Variants in PLA2R1 observed in about 807,000 individuals in gnomAD.
The protein encoded by PLA2R1 is secretory phospholipase A2 receptor.
Under a neutral mutation model 195.9 loss-of-function variants are expected in PLA2R1, and 158 were observed. The ratio of observed to expected loss-of-function variants is 0.81; its 90% confidence interval spans 0.71 to 0.92. PLA2R1 has a LOEUF of 0.92. Ranked by LOEUF, PLA2R1 falls within the 40% of genes least tolerant of loss-of-function variation. The pLI is 0.00. For synonymous variants in PLA2R1, 586 were observed against 598.2 expected, an observed-to-expected ratio of 0.98 and a Z score of 0.30; for missense variants, 1,626 against 1,764.6, an observed-to-expected ratio of 0.92 and a Z score of 1.41.
At chr2:160,016,875 G>T (rs904733044) in intron 8 of PLA2R1, among the ~76,000 whole-genome samples, 163 bp from the exon 9 acceptor site, 2 of 152,162 alleles carry the variant, frequency 1.3e-5, no homozygotes, top group African/African-American at 4.8e-5. Context: ...ACTTTGTCTA[G>T]GGAAAGGCCC....
At chr2:159,997,633 A>G (rs1691302202) in intron 11 of PLA2R1, among the ~76,000 whole-genome samples, 1 of 152,002 alleles carries the variant, frequency 6.6e-6, no homozygotes, top group South Asian at 2.1e-4. Flanking sequence ...TTTAACCCTT[A>G]GAGTTGTCTG....
Position 159,967,767 on chromosome 2 carries a change from T to C in PLA2R1, c.2765-89A>G, listed in dbSNP as rs547580561. 4.8e-6 allele frequency: 5 copies of C among 1,034,898 alleles called. No homozygotes were observed. In the Admixed American group the frequency reaches 1.4e-4, roughly 29 times the overall value. 64.1% of individuals were successfully genotyped at this position (1,034,898 alleles called of 1,614,324 possible). ...ATTGATCACTATTTTTATGAGGCTATGGTTTTTCATAATTTATTTTTTAAA... is the reference window on the plus strand; with the variant it reads ...ATTGATCACTATTTTTATGAGGCTACGGTTTTTCATAATTTATTTTTTAAA... On this transcript the variant is annotated intron_variant, in intron 19 of 29. Coordinates refer to ENST00000283243, the MANE Select transcript of PLA2R1 (RefSeq NM_007366.5).
chr2:160,043,314 G>T (rs575503636), intron 2 of PLA2R1, among the ~76,000 whole-genome samples: 44 of 152,244 alleles, frequency 2.9e-4, no homozygotes, highest in Non-Finnish European at 5.6e-4. Context: ...AGCTGGCTGG[G>T]TGGCTTCTCA....
chr2:160,029,114 C>T (rs1377792978), intron 4 of PLA2R1, 151 bp from the exon 5 acceptor site: 2 of 615,318 alleles, frequency 3.3e-6, no homozygotes, highest in Non-Finnish European at 5.9e-6. Flanking sequence ...AGTGATAAAG[C>T]AGGCTCCCAC....
downstream of PLA2R1, chr2:159,931,931 CCTTT>C (rs1686607268): frequency 6.6e-6 from 1 of 152,136 alleles, no homozygotes; most frequent in African/African-American, 2.4e-5. Context: ...ATGATTCCTT[CCTTT>C]AACTGACTTT....
intron 20 of PLA2R1, 78 bp from the exon 21 acceptor site, chr2:159,956,705 T>C: frequency 1.2e-6 from 1 of 840,826 alleles, no homozygotes; most frequent in Admixed American, 2.0e-5. Flanking sequence ...AGACACTGAA[T>C]ATCAGCTTTG....
At position 159,956,642 on chromosome 2, in the gene PLA2R1, C is replaced by T; in HGVS notation, c.2905-15G>A. On this transcript the variant is annotated splice_polypyrimidine_tract_variant and intron_variant, in intron 20 of 29. Transcript: ENST00000283243. ...AGCAGAAGGCACTATCAAAAAATGT[C>T]AAAACAAAACATTCATTTCTGTATC... 7.3e-7 allele frequency: 1 copy of T among 1,368,196 alleles called. No homozygotes were observed. The highest frequency in any genetic ancestry group is 1.0e-6 in the Non-Finnish European group (1 of 955,584). 84.8% of individuals were successfully genotyped at this position (1,368,196 alleles called of 1,614,324 possible).
intron 19 of PLA2R1, 65 bp downstream of exon 19, chr2:159,969,191 G>C: frequency 1.3e-6 from 1 of 765,060 alleles, no homozygotes; most frequent in Admixed American, 2.2e-5. Flanking sequence ...GCAAGGAAAA[G>C]ACTTTAAGCC....
At chr2:160,023,794 G>A (rs1424373920) in intron 6 of PLA2R1, among the ~76,000 whole-genome samples, 1 of 152,204 alleles carries the variant, frequency 6.6e-6, no homozygotes, top group African/African-American at 2.4e-5. Context: ...ATGAATAAAT[G>A]ACTACATTTT....
In PLA2R1 at chr2:159,976,728, G is replaced by C. The variant is rs768864742; in HGVS notation, c.2402-8C>G. ...GAATCTTGGGTTTCACATCTGCAAA[G>C]TGAAAGCAAATCACTTTGACTGATC... On this transcript the variant is annotated splice_polypyrimidine_tract_variant and splice_region_variant and intron_variant, in intron 15 of 29. Coordinates refer to ENST00000283243, the MANE Select transcript of PLA2R1 (RefSeq NM_007366.5). The C allele has an allele frequency of 3.7e-6, 6 of 1,608,126 alleles. No homozygotes were observed. The East Asian group carries it at 1.3e-4, about 36-fold the overall frequency.
At chr2:160,059,333 C>T (rs1321786315) in intron 1 of PLA2R1, among the ~76,000 whole-genome samples, 1 of 152,136 alleles carries the variant, frequency 6.6e-6, no homozygotes, top group Non-Finnish European at 1.5e-5. Context: ...TTCAGACCTG[C>T]CAAGTACAGT....
At position 160,022,800 on chromosome 2, in the gene PLA2R1, G is replaced by T. The variant is rs150221555; in HGVS notation, c.1159C>A (p.Arg387Ser). ...TCTTTCTGAAGTTTGTAGCAATTAC[G>T]ATTGTAGGGATTCCAGCCAGGCTCA... is the stretch of plus-strand genomic sequence containing the variant. ...HCEPGWNPYN[R>S]NCYKLQKEEK... Residue 387 changes from arginine to serine, a missense_variant, in exon 7 of 30, where the codon CGT becomes AGT. Arg to Ser is a moderately radical substitution (Grantham distance 110, BLOSUM62 -1). Coordinates refer to ENST00000283243, the MANE Select transcript of PLA2R1 (RefSeq NM_007366.5). The T allele has an allele frequency of 1.2e-6, 2 of 1,613,504 alleles. No homozygotes were observed. The highest frequency in any genetic ancestry group is 1.7e-6 in the Non-Finnish European group (2 of 1,179,514).
intron 13 of PLA2R1, among the ~76,000 whole-genome samples, chr2:159,983,000 A>G (rs1441968016): frequency 6.6e-6 from 1 of 152,336 alleles, no homozygotes; most frequent in East Asian, 1.9e-4. Flanking sequence ...ATACTCTCAC[A>G]ATGCAGGCTG....
chr2:160,027,241 TATAAC>T (rs747730178), intron 6 of PLA2R1, among the ~76,000 whole-genome samples: 16 of 151,030 alleles, frequency 1.1e-4, no homozygotes, highest in Non-Finnish European at 1.9e-4. Flanking sequence ...GAAGGATAAA[TATAAC>T]AGAAGGAAAG....
intron 28 of PLA2R1, among the ~76,000 whole-genome samples, chr2:159,943,110 C>T (rs536417718): frequency 5.6e-5 from 7 of 124,364 alleles, no homozygotes; most frequent in East Asian, 2.2e-4. Context: ...TCTGGGATTA[C>T]GGGTGTGTGC....
At chr2:160,016,034 G>T (rs1692720993) in intron 9 of PLA2R1, among the ~76,000 whole-genome samples, 1 of 152,146 alleles carries the variant, frequency 6.6e-6, no homozygotes, top group African/African-American at 2.4e-5. Flanking sequence ...GGAGGCTGAG[G>T]CAGTAGATCA....
At chr2:160,031,459 G>C (rs1440569435) in intron 4 of PLA2R1, among the ~76,000 whole-genome samples, 1 of 152,182 alleles carries the variant, frequency 6.6e-6, no homozygotes, top group Non-Finnish European at 1.5e-5. Flanking sequence ...CGTAGTTGTT[G>C]TTAAATGGTT....
At chr2:160,045,676 A>C (rs1694813587) in intron 1 of PLA2R1, among the ~76,000 whole-genome samples, 1 of 152,206 alleles carries the variant, frequency 6.6e-6, no homozygotes, top group South Asian at 2.1e-4. Context: ...CTGCTTTGTG[A>C]TCTGATACGG....
At chr2:159,977,737 A>G (rs1689672706) in intron 14 of PLA2R1, among the ~76,000 whole-genome samples, 1 of 152,160 alleles carries the variant, frequency 6.6e-6, no homozygotes, top group East Asian at 1.9e-4. Flanking sequence ...GGAGATTGAG[A>G]CCATCCTGGC....
Sources: gnomAD v4.1 joint callset for allele counts (sites outside exome capture counted in the v4.1 genomes callset) on GRCh38, gnomAD v4.1.1 for gene constraint, MANE v1.5 for transcripts, NCBI Gene and HGNC (gene_info 2026-07-23, HGNC 2026-07-21) for gene names.